The following KIRREL3 variants were observed in gnomAD, a reference collection of about 807,000 sequenced individuals.
KIRREL3 encodes kin of IRRE-like protein 3.
In KIRREL3, 36 loss-of-function variants were observed where a neutral mutation model predicts 89.7. The ratio of observed to expected loss-of-function variants is 0.40; its 90% CI spans 0.31 to 0.53. KIRREL3 has a LOEUF of 0.53. Ranked by LOEUF, KIRREL3 falls within the 20% of genes least tolerant of loss-of-function variation. The pLI, the probability that KIRREL3 is intolerant of heterozygous loss-of-function variation, is 0.49. For missense variants in KIRREL3, 864 were observed against 1,056.6 expected (o/e 0.82, Z 2.53); for synonymous variants, 445 against 441.4 (o/e 1.01, Z -0.10).
Position 126,682,959 on chromosome 11 carries a change from A to G in KIRREL3, c.56-120047T>C, listed in dbSNP as rs1946526158. 2.6e-5 allele frequency among the ~76,000 whole-genome samples: 4 copies of G among 152,112 alleles called. No individual in the cohort carries two copies. The South Asian group carries it at 8.3e-4, about 32-fold the overall frequency. On this transcript the variant is annotated intron_variant, in intron 1 of 16. Transcript: ENST00000525144. The surrounding 1 kb of genome is among the most constrained non-coding windows in gnomAD (Gnocchi z 4.8). ...TACTATGACCTCCTGGGCTCAAGCA[A>G]TCCTCGCACCTCAGCCTCCCAAGTA...
At position 126,888,771 on chromosome 11, in the gene KIRREL3, G is replaced by T. The variant is rs1431317382; in HGVS notation, c.55+111684C>A. On this transcript the variant is annotated intron_variant, in intron 1 of 16. Coordinates refer to ENST00000525144, the MANE Select transcript of KIRREL3 (RefSeq NM_032531.4). ...TGACCGTGGGCAAGACAACAGACCA[G>T]GCCCTAGAGCAGTAGCACTGACCCA... Among the ~76,000 whole-genome samples, 7 of 152,306 alleles carry T rather than the reference G, an allele frequency of 4.6e-5. No individual in the cohort carries two copies. The East Asian group carries it at 9.6e-4, about 21-fold the overall frequency.
At chr11:126,626,034 G>C (rs1943770532) in intron 1 of KIRREL3, among the ~76,000 whole-genome samples, 1 of 152,220 alleles carries the variant, frequency 6.6e-6, no homozygotes, top group Admixed American at 6.5e-5. Flanking sequence ...TACTACATAA[G>C]TTTATTCACT....
rs555491693 is a variant in KIRREL3, at chr11:126,624,982, A to C, written c.56-62070T>G. 2.0e-5 allele frequency among the ~76,000 whole-genome samples: 3 copies of C among 152,132 alleles called. No individual in the cohort carries two copies. The South Asian group carries it at 6.2e-4, about 32-fold the overall frequency. ...TCACTGATTGTTGGATGGCATGGGC[A>C]CGCTTCCCATTATGGAAGCTTGCTG... On this transcript the variant is annotated intron_variant, in intron 1 of 16. Transcript: ENST00000525144. The surrounding 1 kb of genome is among the most constrained non-coding windows in gnomAD (Gnocchi z 6.0).
chr11:126,793,564 T>G (rs1726121410), intron 1 of KIRREL3, among the ~76,000 whole-genome samples: 1 of 151,992 alleles, frequency 6.6e-6, no homozygotes, highest in South Asian at 2.1e-4. Context: ...AGATGCTGGG[T>G]GGACAACTCA....
chr11:126,596,432 A>T (rs967141596), intron 1 of KIRREL3, among the ~76,000 whole-genome samples: 2 of 152,260 alleles, frequency 1.3e-5, no homozygotes, highest in African/African-American at 2.4e-5. Context: ...TCACACAGCC[A>T]GTTAGTGAGG....
rs192092363 is a variant in KIRREL3 at position 126,542,119 on chromosome 11, T to C, written c.134-15432A>G. On this transcript the variant is annotated intron_variant, in intron 2 of 16. Transcript: ENST00000525144. ...GAAGGACCACGTGGCTATATCCCAC[T>C]GACGGTGTGAAAGCAGGCCCACCCG... 3.3e-5 allele frequency among the ~76,000 whole-genome samples: 5 copies of C among 152,360 alleles called. No homozygotes were observed. In the East Asian group the frequency reaches 9.6e-4, roughly 29 times the overall value.
chr11:126,871,361 T>C (rs112266821), intron 1 of KIRREL3, among the ~76,000 whole-genome samples: 2,324 of 152,226 alleles, frequency 0.015, 65 homozygotes, highest in African/African-American at 0.053. Context: ...GTTGTTTAGG[T>C]CCTGTTTCAT....
chr11:126,450,352 T>G lies in KIRREL3; in HGVS notation c.849-1195A>C, dbSNP rs557992674. ...GTGTGAGCGTGGGCATGTGTGTCCA[T>G]GTGCATGTGTGCATGTGTGAGTGTG... On this transcript the variant is annotated intron_variant, in intron 7 of 16. Coordinates refer to ENST00000525144, the MANE Select transcript of KIRREL3 (RefSeq NM_032531.4). 4.4e-4 allele frequency among the ~76,000 whole-genome samples: 66 copies of G among 151,260 alleles called. 2 individuals carry two copies. The highest frequency in any genetic ancestry group is 1.5e-3 in the African/African-American group (61 of 41,094).
At position 126,796,695 on chromosome 11, in the gene KIRREL3, C is replaced by G. The variant is rs1950822903; in HGVS notation, c.55+203760G>C. Among the ~76,000 whole-genome samples, 1 of 151,614 alleles carries G rather than the reference C, an allele frequency of 6.6e-6. No individual in the cohort carries two copies. Among genetic ancestry groups the G allele is most frequent in the Non-Finnish European group, 1.5e-5 (1 of 67,934 alleles). On this transcript the variant is annotated intron_variant, in intron 1 of 16. Coordinates refer to ENST00000525144, the MANE Select transcript of KIRREL3 (RefSeq NM_032531.4). This position sits in a 1 kb window ranked among gnomAD's most constrained non-coding sequence, Gnocchi z 5.1. ...TTATTTTTATTTTATTTTATTTTTGCAACAAGGTCTTGCTCTGTTGCCCAG... is the reference window on the plus strand; with the variant it reads ...TTATTTTTATTTTATTTTATTTTTGGAACAAGGTCTTGCTCTGTTGCCCAG...
intron 1 of KIRREL3, among the ~76,000 whole-genome samples, chr11:126,916,349 G>T (rs905309610): frequency 6.6e-6 from 1 of 152,134 alleles, no homozygotes; most frequent in African/African-American, 2.4e-5. Context: ...AAATTGCTGA[G>T]CCCCATCCTC....
chr11:126,790,242 G>A (rs1950596835), intron 1 of KIRREL3, among the ~76,000 whole-genome samples: 1 of 152,196 alleles, frequency 6.6e-6, no homozygotes, highest in Admixed American at 6.5e-5. Flanking sequence ...TGGGCTTTAA[G>A]CATTCATTGA....
Position 126,436,999 on chromosome 11 carries a change from C to T in KIRREL3, c.1364G>A (p.Trp455Ter). Residue 455 changes from tryptophan (W) to a stop codon, truncating the protein, a stop_gained, in exon 12 of 17, where the codon TGG (tryptophan) becomes TAG (stop). Coordinates refer to ENST00000525144, the MANE Select transcript of KIRREL3 (RefSeq NM_032531.4). LOFTEE classifies it high-confidence loss of function. ...GCCCGACTCCAGAACGTTCTCCTTC[C>T]AGGACCAGGCCTGCCCGGGGGCGCA... ...TPPPDRIAWS[W>*]KENVLESGTS... The T allele has an allele frequency of 6.5e-7, 1 of 1,549,354 alleles. No homozygotes were observed. The highest frequency in any genetic ancestry group is 8.8e-7 in the Non-Finnish European group (1 of 1,141,930).
rs1056560043 is a variant in KIRREL3, at chr11:126,430,313, C to A, written c.1697-1025G>T. 1.9e-4 allele frequency among the ~76,000 whole-genome samples: 29 copies of A among 152,044 alleles called. No individual in the cohort carries two copies. The highest frequency in any genetic ancestry group is 7.0e-4 in the African/African-American group (29 of 41,376). On this transcript the variant is annotated intron_variant, in intron 14 of 16. Coordinates refer to ENST00000525144, the MANE Select transcript of KIRREL3 (RefSeq NM_032531.4). The surrounding 1 kb of genome is among the most constrained non-coding windows in gnomAD (Gnocchi z 6.6). ...TTAAAAAAATAGCAAGGCATGATGG[C>A]ACACGCCTGTAATCCCAGCGACTCA...
rs147685665 is a variant in KIRREL3, at chr11:126,423,565, C to T, written c.*1015G>A. On this transcript the variant is annotated 3_prime_UTR_variant, in exon 17 of 17. Coordinates refer to ENST00000525144, the MANE Select transcript of KIRREL3 (RefSeq NM_032531.4). Reference sequence around the variant, plus strand: ...GTTGAGGTGTAGATATACTTCCTCTCTTCTCGTGGAGCCTTACTGAAGACA... The same window carrying T: ...GTTGAGGTGTAGATATACTTCCTCTTTTCTCGTGGAGCCTTACTGAAGACA... The T allele has an allele frequency of 6.6e-6, 1 of 152,238 alleles. No homozygotes were observed. Among genetic ancestry groups the T allele is most frequent in the East Asian group, 1.9e-4 (1 of 5,178 alleles). The allele number at this position is 152,238 out of a possible 1,614,324, so 9.4% of individuals were successfully genotyped here.
At chr11:126,638,732 G>C (rs1452864886) in intron 1 of KIRREL3, among the ~76,000 whole-genome samples, 1 of 152,166 alleles carries the variant, frequency 6.6e-6, no homozygotes, top group African/African-American at 2.4e-5. Flanking sequence ...TGGGAGCCCA[G>C]CTTGAGGGCT....
intron 1 of KIRREL3, among the ~76,000 whole-genome samples, chr11:126,789,600 G>A (rs1190743242): frequency 2.0e-5 from 3 of 152,086 alleles, no homozygotes; most frequent in Admixed American, 2.0e-4. Flanking sequence ...CCCTTGTTAA[G>A]ACCCTTGCCA....
intron 4 of KIRREL3, among the ~76,000 whole-genome samples, chr11:126,502,440 C>T (rs10893526): frequency 0.35 from 53,871 of 152,134 alleles, 10,874 homozygotes; most frequent in African/African-American, 0.54. Context: ...GGCAGGCACA[C>T]CTCAGAGGGA....
At chr11:126,956,948 C>T (rs1948939342) in intron 1 of KIRREL3, among the ~76,000 whole-genome samples, 1 of 152,184 alleles carries the variant, frequency 6.6e-6, no homozygotes, top group South Asian at 2.1e-4. Context: ...AATTTGCACT[C>T]GTGTGCACGC....
In KIRREL3 at chr11:126,883,901, A is replaced by G. The variant is rs1478814995; in HGVS notation, c.55+116554T>C. Reference sequence around the variant, plus strand: ...GGAGACATAGGTTTTGAATCGATACAAAGAACTTTCTGATCACTGGAGCAG... The same window carrying G: ...GGAGACATAGGTTTTGAATCGATACGAAGAACTTTCTGATCACTGGAGCAG... On this transcript the variant is annotated intron_variant, in intron 1 of 16. Coordinates refer to ENST00000525144, the MANE Select transcript of KIRREL3 (RefSeq NM_032531.4). This position sits in a 1 kb window ranked among gnomAD's most constrained non-coding sequence, Gnocchi z 4.1. 2.6e-5 allele frequency among the ~76,000 whole-genome samples: 4 copies of G among 152,230 alleles called. No individual in the cohort carries two copies. The East Asian group carries it at 5.8e-4, about 22-fold the overall frequency.
Sources: allele counts gnomAD v4.1 joint callset (sites outside exome capture counted in the v4.1 genomes callset), GRCh38; gene constraint gnomAD v4.1.1; non-coding constraint Gnocchi (gnomAD v3.1); transcripts MANE v1.5; gene names NCBI Gene and HGNC (gene_info 2026-07-23, HGNC 2026-07-21).